Variants in TAFA4 observed in about 807,000 individuals in gnomAD.
The protein encoded by TAFA4 is TAFA chemokine like family member 4.
Under a neutral mutation model 21.1 loss-of-function variants are expected in TAFA4, and 20 were observed. The ratio of observed to expected loss-of-function variants is 0.95; its 90% CI spans 0.67 to 1.38. The LOEUF (loss-of-function observed/expected upper bound fraction) is 1.38, where lower values mean the gene tolerates loss of function less well. Among genes scored for constraint, TAFA4 ranks in the 40% most tolerant of loss-of-function variants. TAFA4 has a pLI of 0.00. For missense variants in TAFA4, 211 were observed against 180.9 expected (o/e 1.17, Z -0.95); for synonymous variants, 71 against 67.4 (o/e 1.05, Z -0.26).
intron 3 of TAFA4, among the ~76,000 whole-genome samples, chr3:68,865,340 T>G (rs1460931586): frequency 6.6e-6 from 1 of 151,958 alleles, no homozygotes; most frequent in Non-Finnish European, 1.5e-5. Flanking sequence ...CCCACCCAAA[T>G]CTCATCCTGA....
chr3:68,848,106 T>C (rs532619342), intron 3 of TAFA4, among the ~76,000 whole-genome samples: 12 of 152,360 alleles, frequency 7.9e-5, no homozygotes, highest in East Asian at 3.9e-4. Flanking sequence ...CTTCATTTTA[T>C]AGTTGAGGAG....
chr3:68,843,110 A>G (rs7635317), intron 3 of TAFA4, among the ~76,000 whole-genome samples: 46,865 of 151,910 alleles, frequency 0.31, 7,617 homozygotes, highest in Non-Finnish European at 0.37. Flanking sequence ...CGTTGAATCT[A>G]TAATTACTTT....
intron 3 of TAFA4, among the ~76,000 whole-genome samples, chr3:68,874,783 TACACACAC>T (rs10574878): frequency 3.3e-5 from 5 of 149,538 alleles, no homozygotes; most frequent in African/African-American, 1.2e-4. Context: ...ACCCTTTCTT[TACACACAC>T]ACACACACAC....
At chr3:68,826,864 C>T (rs1704250976) in intron 3 of TAFA4, among the ~76,000 whole-genome samples, 1 of 151,976 alleles carries the variant, frequency 6.6e-6, no homozygotes, top group Admixed American at 6.6e-5. Context: ...AATAACAGGT[C>T]TTGTATAATT....
At chr3:68,790,627 G>C (rs1487496474) in intron 3 of TAFA4, among the ~76,000 whole-genome samples, 1 of 152,194 alleles carries the variant, frequency 6.6e-6, no homozygotes, top group African/African-American at 2.4e-5. Context: ...ATGGATATGA[G>C]AATCCCCTAA....
chr3:68,865,352 T>C (rs1407699585), intron 3 of TAFA4, among the ~76,000 whole-genome samples: 1 of 151,986 alleles, frequency 6.6e-6, no homozygotes, highest in African/African-American at 2.4e-5. Context: ...TCATCCTGAA[T>C]TGTAGTTCCC....
chr3:68,825,367 G>T (rs1704205880), intron 3 of TAFA4, among the ~76,000 whole-genome samples: 1 of 152,118 alleles, frequency 6.6e-6, no homozygotes, highest in African/African-American at 2.4e-5. Context: ...TCTTTATCCA[G>T]TCTATCATTG....
chr3:68,742,459 A>C (rs970100491), intron 4 of TAFA4, among the ~76,000 whole-genome samples: 2 of 152,330 alleles, frequency 1.3e-5, no homozygotes, highest in Non-Finnish European at 2.9e-5. Flanking sequence ...TCTAGTTCAA[A>C]CAAAGCTTTA....
At chr3:68,855,160 T>C (rs1052047076) in intron 3 of TAFA4, among the ~76,000 whole-genome samples, 4 of 152,176 alleles carry the variant, frequency 2.6e-5, no homozygotes, top group African/African-American at 9.6e-5. Flanking sequence ...ACTAAATGTT[T>C]CTAAACCAAC....
At chr3:68,746,980 C>A (rs1175744240) in intron 4 of TAFA4, among the ~76,000 whole-genome samples, 2 of 152,130 alleles carry the variant, frequency 1.3e-5, no homozygotes, top group Non-Finnish European at 2.9e-5. Flanking sequence ...CCAGTAGCAC[C>A]CTCTCCCAGC....
chr3:68,914,335 G>C (rs973191095), intron 1 of TAFA4, among the ~76,000 whole-genome samples: 1 of 152,096 alleles, frequency 6.6e-6, no homozygotes, highest in Non-Finnish European at 1.5e-5. Context: ...TGACTAGGAG[G>C]GTTACAAAGG....
chr3:68,795,714 A>G (rs13320444), intron 3 of TAFA4, among the ~76,000 whole-genome samples: 42,348 of 151,906 alleles, frequency 0.28, 7,154 homozygotes, highest in Non-Finnish European at 0.39. Flanking sequence ...TACTGTTTGA[A>G]GCTCAAGCCC....
intron 3 of TAFA4, among the ~76,000 whole-genome samples, chr3:68,843,675 T>C (rs1704721175): frequency 6.6e-6 from 1 of 152,262 alleles, no homozygotes; most frequent in African/African-American, 2.4e-5. Flanking sequence ...GCTCTTATTA[T>C]TTTGAGATAC....
At chr3:68,894,326 T>A (rs1242993854) in intron 1 of TAFA4, among the ~76,000 whole-genome samples, 1 of 152,110 alleles carries the variant, frequency 6.6e-6, no homozygotes, top group African/African-American at 2.4e-5. Flanking sequence ...GCCTGGCTCA[T>A]TTTTTGTATT....
intron 1 of TAFA4, among the ~76,000 whole-genome samples, chr3:68,912,420 T>C (rs2089968541): frequency 6.6e-6 from 1 of 152,246 alleles, no homozygotes; most frequent in African/African-American, 2.4e-5. Flanking sequence ...TACTGGCCGC[T>C]AATTAAATGC....
chr3:68,901,947 T>A (rs2089847250), intron 1 of TAFA4, among the ~76,000 whole-genome samples: 1 of 152,206 alleles, frequency 6.6e-6, no homozygotes, highest in South Asian at 2.1e-4. Flanking sequence ...GTCCGTCCAA[T>A]GTTCAAATGA....
chr3:68,860,567 A>G (rs1338076479), intron 3 of TAFA4, among the ~76,000 whole-genome samples: 4 of 152,142 alleles, frequency 2.6e-5, no homozygotes, highest in African/African-American at 9.7e-5. Flanking sequence ...GATTAAAAGG[A>G]AAACTGAATC....
In TAFA4 at chr3:68,859,534, G is replaced by A. The variant is rs577058948; in HGVS notation, c.130+21196C>T. On this transcript the variant is annotated intron_variant, in intron 3 of 5. Transcript: ENST00000295569. The stretch of plus-strand genomic sequence containing the variant: ...AAACTTAATCAGCTGTAAATGTACA[G>A]TAGTTAGCATTCACCACAAAATGCT... 2.6e-5 allele frequency among the ~76,000 whole-genome samples: 4 copies of A among 152,276 alleles called. No homozygotes were observed. In the South Asian group the frequency reaches 8.3e-4, roughly 32 times the overall value.
chr3:68,774,609 T>C (rs1703018100), intron 3 of TAFA4, among the ~76,000 whole-genome samples: 1 of 152,258 alleles, frequency 6.6e-6, no homozygotes, highest in South Asian at 2.1e-4. Flanking sequence ...ACAAATGGTA[T>C]TGGGTCAACT....
Sources: allele counts gnomAD v4.1 joint callset (sites outside exome capture counted in the v4.1 genomes callset), GRCh38; gene constraint gnomAD v4.1.1; transcripts MANE v1.5; gene names NCBI Gene and HGNC (gene_info 2026-07-23, HGNC 2026-07-21).